Variants in RMDN1 observed in about 807,000 individuals in gnomAD.
RMDN1 encodes the protein regulator of microtubule dynamics 1.
RMDN1 carries 48 observed loss-of-function variants against 48.9 expected under a neutral mutation model. That is an observed-to-expected ratio of 0.98 (90% CI 0.78 to 1.25). The LOEUF is 1.25. Among genes scored for constraint, RMDN1 ranks in the 50% most tolerant of loss-of-function variants. The pLI is 0.00. For synonymous variants in RMDN1, 148 were observed against 132.6 expected (o/e 1.12, Z -0.80); for missense variants, 418 against 373.4 (o/e 1.12, Z -0.98).
rs1346537036 is a variant in RMDN1 at position 86,474,190 on chromosome 8, G to T, written c.*118C>A. 1.2e-5 allele frequency: 18 copies of T among 1,484,916 alleles called. No homozygotes were observed. The highest frequency in any genetic ancestry group is 1.5e-5 in the Non-Finnish European group (17 of 1,119,780). The allele number at this position is 1,484,916 out of a possible 1,614,324, so 92.0% of individuals were successfully genotyped here. On this transcript the variant is annotated 3_prime_UTR_variant, in exon 10 of 10. Transcript: ENST00000406452. Reference sequence around the variant, plus strand: ...GCCTAGAATATTTTATATTTACACGGTTAAATGGTCACAACATTTAAAAAG... The same window carrying T: ...GCCTAGAATATTTTATATTTACACGTTTAAATGGTCACAACATTTAAAAAG...
At chr8:86,482,173 G>A in intron 5 of RMDN1, 1 of 445,656 alleles carries the variant, frequency 2.2e-6, no homozygotes, top group South Asian at 2.9e-5. Flanking sequence ...AGGCTGAGGT[G>A]GGCAGATCAC....
chr8:86,503,385 A>AAAAAAAAAAAAAAAAAAAC (rs1554594088), intron 2 of RMDN1, among the ~76,000 whole-genome samples: 7 of 81,032 alleles, frequency 8.6e-5, no homozygotes, highest in African/African-American at 3.4e-4. Flanking sequence ...AAAAAAAAAA[A>AAAAAAAAAAAAAAAAAAAC]AAAACAAAAA....
intron 5 of RMDN1, chr8:86,481,923 G>GT: frequency 1.3e-6 from 1 of 794,206 alleles, no homozygotes. Context: ...CAGACACGAA[G>GT]TGGAAAGATT....
At chr8:86,503,565 A>G (rs552499747) in intron 2 of RMDN1, 26 of 358,082 alleles carry the variant, frequency 7.3e-5, no homozygotes, top group African/African-American at 5.5e-4. Context: ...GAAAAGAATT[A>G]GATTAGGACC....
At chr8:86,488,861 A>G (rs551757741) in intron 2 of RMDN1, among the ~76,000 whole-genome samples, 1 of 152,360 alleles carries the variant, frequency 6.6e-6, no homozygotes, top group Admixed American at 6.5e-5. Context: ...ATCATGGGAA[A>G]TAAAAAATTA....
chr8:86,479,091 A>G (rs747778858), intron 6 of RMDN1, 81 bp from the exon 7 acceptor site: 6 of 1,013,624 alleles, frequency 5.9e-6, no homozygotes, highest in Non-Finnish European at 7.6e-6. Context: ...TTAATACTAT[A>G]AAAGGAATCT....
At chr8:86,471,266 T>C (rs1433935259), downstream of RMDN1, among the ~76,000 whole-genome samples, 1 of 151,864 alleles carries the variant, frequency 6.6e-6, no homozygotes, top group Admixed American at 6.6e-5. Flanking sequence ...TATTGAATGA[T>C]ACCTGATCTC....
intron 2 of RMDN1, among the ~76,000 whole-genome samples, chr8:86,503,385 A>AAAAAAAAAAAAAAAAACAAAAC (rs1554594088): frequency 8.6e-5 from 7 of 81,062 alleles, no homozygotes; most frequent in South Asian, 3.6e-4. Context: ...AAAAAAAAAA[A>AAAAAAAAAAAAAAAAACAAAAC]AAAACAAAAA....
intron 2 of RMDN1, among the ~76,000 whole-genome samples, chr8:86,497,234 G>A (rs1039436333): frequency 3.3e-5 from 5 of 152,170 alleles, no homozygotes; most frequent in Non-Finnish European, 5.9e-5. Context: ...AGAGGAAGCA[G>A]AGAAACAAGA....
At chr8:86,504,055 C>A in intron 2 of RMDN1, 1 of 842,874 alleles carries the variant, frequency 1.2e-6, no homozygotes, top group African/African-American at 1.7e-5. Flanking sequence ...TCTCAACCAG[C>A]TGGGCATCAT....
rs1813551162 is a variant in RMDN1 at position 86,477,323 on chromosome 8, G to T, written c.731C>A (p.Ala244Asp). 1.3e-6 allele frequency: 2 copies of T among 1,588,042 alleles called. No homozygotes were observed. The highest frequency in any genetic ancestry group is 1.8e-5 in the Admixed American group (1 of 54,296). The change falls in exon 8 of 10, where the codon GCC (alanine) becomes GAC (aspartate). Residue 244 changes from alanine (A) to aspartate (D), a missense_variant and splice_region_variant. By Grantham distance (126) the Ala-to-Asp change is moderately radical. Coordinates refer to ENST00000406452, the MANE Select transcript of RMDN1 (RefSeq NM_016033.3). ...TTCTGCCCTGTGAAAGTAGCCTAAG[G>T]CCTGTCAAAAACACAAAGAGCCCAA... ...ATPPSSTYEK[A>D]LGYFHRAEQV...
At position 86,507,031 on chromosome 8, in the gene RMDN1, T is replaced by G. The variant is rs746135554; in HGVS notation, c.211A>C (p.Ile71Leu). ...SYLGFETYQV[I>L]SQAAVVHATA... Reference sequence around the variant, plus strand: ...GCATGAACCACAGCAGCCTGAGAGATAACCTGGTAAGTTTCAAAACCCAAA... The same window carrying G: ...GCATGAACCACAGCAGCCTGAGAGAGAACCTGGTAAGTTTCAAAACCCAAA... Residue 71 changes from isoleucine to leucine, a missense_variant, in exon 2 of 10, where the codon ATC (isoleucine) becomes CTC (leucine). Coordinates refer to ENST00000406452, the MANE Select transcript of RMDN1 (RefSeq NM_016033.3). 4 of 1,612,112 alleles carry G rather than the reference T, an allele frequency of 2.5e-6. No homozygotes were observed. Among genetic ancestry groups the G allele is most frequent in the South Asian group, 1.1e-5 (1 of 91,042 alleles).
rs1812948184 is a variant in RMDN1, at chr8:86,474,027, G to C, written c.*281C>G. 22 of 1,140,400 alleles carry C rather than the reference G, an allele frequency of 1.9e-5. No individual in the cohort carries two copies. Among genetic ancestry groups the C allele is most frequent in the Non-Finnish European group, 2.4e-5 (22 of 927,788 alleles). 70.6% of individuals were successfully genotyped at this position (1,140,400 alleles called of 1,614,324 possible). ...TTTGCTTGATCTCCCATCCCAATGT[G>C]ATCAATCCTTAGAAATCTCATACCA... On this transcript the variant is annotated 3_prime_UTR_variant, in exon 10 of 10. Transcript: ENST00000406452.
chr8:86,477,406 C>CTATATAATATAGAATATTATAAAA, intron 7 of RMDN1, 82 bp from the exon 8 acceptor site: 2 of 1,080,620 alleles, frequency 1.9e-6, no homozygotes, highest in East Asian at 5.2e-5. Context: ...CAAAGATCTA[C>CTATATAATATAGAATATTATAAAA]TGCTATATTA....
intron 8 of RMDN1, 109 bp downstream of exon 8, chr8:86,477,185 A>C: frequency 1.4e-6 from 1 of 734,294 alleles, no homozygotes; most frequent in Non-Finnish European, 2.1e-6. Context: ...TCTAGCACAA[A>C]AATAAGTATA....
At chr8:86,505,356 T>A in intron 2 of RMDN1, 1 of 458,104 alleles carries the variant, frequency 2.2e-6, no homozygotes, top group Non-Finnish European at 4.4e-6. Context: ...AGTTTTTCCT[T>A]CCTTGGGTTC....
At chr8:86,495,627 G>A (rs566848727) in intron 2 of RMDN1, among the ~76,000 whole-genome samples, 23 of 152,124 alleles carry the variant, frequency 1.5e-4, no homozygotes, top group African/African-American at 4.3e-4. Context: ...CTGCCTGGCC[G>A]CACCCGTAGG....
intron 3 of RMDN1, 31 bp downstream of exon 3, chr8:86,488,521 C>T: frequency 7.2e-7 from 1 of 1,398,174 alleles, no homozygotes; most frequent in African/African-American, 1.5e-5. Context: ...TTGAGGAAAC[C>T]ACAAGCCTAG....
rs752530472 is a variant in RMDN1 at position 86,481,884 on chromosome 8, ATATGTT to A, written c.586-1558_586-1553del. 148 of 770,162 alleles carry A rather than the reference ATATGTT, an allele frequency of 1.9e-4. 1 individual carries two copies. The highest frequency in any genetic ancestry group is 2.8e-4 in the Non-Finnish European group (133 of 478,494). The allele number at this position is 770,162 out of a possible 1,614,324, so 47.7% of individuals were successfully genotyped here. ...TTTTAAAAACATCAAGGTAGATCTA[ATATGTT>A]CAACAAAGTGGGGTGGCTCGGCCAG... On this transcript the variant is annotated intron_variant, in intron 5 of 9. Transcript: ENST00000406452.
Sources: allele counts gnomAD v4.1 joint callset (sites outside exome capture counted in the v4.1 genomes callset), GRCh38; gene constraint gnomAD v4.1.1; transcripts MANE v1.5; gene names NCBI Gene and HGNC (gene_info 2026-07-23, HGNC 2026-07-21).